GRM8: variants seen among roughly 807,000 people sequenced by gnomAD.
GRM8 encodes glutamate metabotropic receptor 8.
Under a neutral mutation model 87.2 loss-of-function variants are expected in GRM8, and 47 were observed. That is an observed-to-expected ratio of 0.54 (90% CI 0.43 to 0.69). The LOEUF is 0.69. GRM8 is among the 30% of genes least tolerant of loss of function. The pLI is 0.00. For synonymous variants in GRM8, 396 were observed against 404.5 expected, an observed-to-expected ratio of 0.98 and a Z score of 0.25; for missense variants, 1,019 against 1,139.2, an observed-to-expected ratio of 0.89 and a Z score of 1.52.
intron 3 of GRM8, among the ~76,000 whole-genome samples, chr7:127,030,531 T>C (rs1041889874): frequency 6.6e-6 from 1 of 152,154 alleles, no homozygotes; most frequent in Non-Finnish European, 1.5e-5. Flanking sequence ...TACTCTCTGT[T>C]TATCTCAACT....
intron 3 of GRM8, among the ~76,000 whole-genome samples, chr7:127,092,710 G>C (rs1370211805): frequency 6.6e-6 from 1 of 151,996 alleles, no homozygotes; most frequent in Non-Finnish European, 1.5e-5. Context: ...CTGTCTCAGG[G>C]GGAAAAGAAA....
At chr7:126,545,389 TCA>T (rs554742564) in intron 8 of GRM8, among the ~76,000 whole-genome samples, 82 of 152,342 alleles carry the variant, frequency 5.4e-4, no homozygotes, top group African/African-American at 1.8e-3. Context: ...AATTTGGATA[TCA>T]CAGAGTGACC....
chr7:126,952,541 A>G (rs952021918), intron 3 of GRM8, among the ~76,000 whole-genome samples: 1 of 152,070 alleles, frequency 6.6e-6, no homozygotes, highest in Admixed American at 6.6e-5. Flanking sequence ...AGTAGGAGAA[A>G]AGATACTAAC....
chr7:126,633,439 C>A (rs1373093216), intron 7 of GRM8, among the ~76,000 whole-genome samples: 2 of 152,080 alleles, frequency 1.3e-5, no homozygotes, highest in African/African-American at 4.8e-5. Context: ...GCGCTAGCAT[C>A]AATGCTCCTG....
intron 7 of GRM8, among the ~76,000 whole-genome samples, chr7:126,701,247 T>C (rs1205362746): frequency 1.3e-5 from 2 of 152,126 alleles, no homozygotes; most frequent in Admixed American, 1.3e-4. Context: ...CTGCCTTGTA[T>C]TGCAAACACA....
chr7:126,728,502 C>T (rs1813253657), intron 7 of GRM8, among the ~76,000 whole-genome samples: 1 of 152,038 alleles, frequency 6.6e-6, no homozygotes, highest in South Asian at 2.1e-4. Flanking sequence ...TCTTCTCAAT[C>T]TGTGAAAGAC....
At chr7:126,881,238 A>G (rs868555221) in intron 6 of GRM8, among the ~76,000 whole-genome samples, 18 of 152,206 alleles carry the variant, frequency 1.2e-4, no homozygotes, top group Non-Finnish European at 1.8e-4. Context: ...AGGGCACCCA[A>G]AGGATAGCAA....
At position 126,578,530 on chromosome 7, in the gene GRM8, G is replaced by A. The variant is rs144876360; in HGVS notation, c.1494+30832C>T. ...GGGCAGAGGCAGCCACAAAGCTCCC[G>A]AACAGCTGTTCCTTTCTCTTCTTCC... On this transcript the variant is annotated intron_variant, in intron 8 of 10. Coordinates refer to ENST00000339582, the MANE Select transcript of GRM8 (RefSeq NM_000845.3). 7.0e-4 allele frequency among the ~76,000 whole-genome samples: 106 copies of A among 152,202 alleles called. 2 individuals carry two copies. In the East Asian group the frequency reaches 0.014, roughly 20 times the overall value.
At chr7:127,029,941 AAC>A (rs1817194272) in intron 3 of GRM8, among the ~76,000 whole-genome samples, 1 of 152,082 alleles carries the variant, frequency 6.6e-6, no homozygotes, top group South Asian at 2.1e-4. Flanking sequence ...CCATACAACA[AAC>A]ACACAACCTA....
At chr7:127,054,240 G>A (rs1332608775) in intron 3 of GRM8, among the ~76,000 whole-genome samples, 4 of 151,900 alleles carry the variant, frequency 2.6e-5, no homozygotes, top group East Asian at 3.9e-4. Context: ...GATGTGCCTC[G>A]CTGCTGATTA....
intron 3 of GRM8, among the ~76,000 whole-genome samples, chr7:127,034,995 C>T (rs181967987): frequency 1.3e-3 from 197 of 152,140 alleles, no homozygotes; most frequent in Non-Finnish European, 1.5e-3. Context: ...TGGTCATAAA[C>T]GAAAGCAGCT....
chr7:126,879,309 T>A (rs1435145257), intron 6 of GRM8, among the ~76,000 whole-genome samples: 1 of 152,150 alleles, frequency 6.6e-6, no homozygotes, highest in Non-Finnish European at 1.5e-5. Flanking sequence ...ATCTTTATCA[T>A]ATTGTTTTTG....
chr7:127,072,069 C>T (rs1462272482), intron 3 of GRM8, among the ~76,000 whole-genome samples: 4 of 152,070 alleles, frequency 2.6e-5, no homozygotes, highest in African/African-American at 4.8e-5. Context: ...CCCACCGAGA[C>T]ATGGTGAGGT....
chr7:126,594,226 C>T (rs1796950096), intron 8 of GRM8, among the ~76,000 whole-genome samples: 1 of 152,044 alleles, frequency 6.6e-6, no homozygotes, highest in Non-Finnish European at 1.5e-5. Context: ...ATCTGGCCAT[C>T]TCCTACTCGA....
Position 126,811,994 on chromosome 7 carries a change from G to A in GRM8, c.1157-41929C>T, listed in dbSNP as rs913745531. On this transcript the variant is annotated intron_variant, in intron 6 of 10. Transcript: ENST00000339582. ...TTTTGAAGGGTGGAGGGGTGAGAGG[G>A]GTGAAGATGAAAAGTTACTTAATAG... Among the ~76,000 whole-genome samples the A allele has an allele frequency of 5.9e-5, 9 of 151,758 alleles. No homozygotes were observed. The East Asian group carries it at 1.7e-3, about 29-fold the overall frequency.
intron 8 of GRM8, among the ~76,000 whole-genome samples, chr7:126,538,890 C>G (rs930979869): frequency 3.9e-5 from 6 of 151,918 alleles, no homozygotes; most frequent in Admixed American, 1.3e-4. Flanking sequence ...AATCTGATAA[C>G]AGAATATAAA....
intron 3 of GRM8, among the ~76,000 whole-genome samples, chr7:127,030,987 A>G (rs1817306226): frequency 6.6e-6 from 1 of 152,130 alleles, no homozygotes; most frequent in African/African-American, 2.4e-5. Flanking sequence ...GCTGGACTAT[A>G]ACTTCCTAAG....
At chr7:126,607,186 A>C (rs1380711508) in intron 8 of GRM8, among the ~76,000 whole-genome samples, 1 of 152,204 alleles carries the variant, frequency 6.6e-6, no homozygotes, top group East Asian at 1.9e-4. Flanking sequence ...TGTTTCAATA[A>C]ATGTCAATAT....
chr7:127,246,692 G>A (rs962638989), intron 1 of GRM8, among the ~76,000 whole-genome samples: 12 of 152,266 alleles, frequency 7.9e-5, no homozygotes, highest in African/African-American at 1.4e-4. Context: ...GCTGGACCCC[G>A]AGCCTGTATC....
Sources: gnomAD v4.1 joint callset for allele counts (sites outside exome capture counted in the v4.1 genomes callset) on GRCh38, gnomAD v4.1.1 for gene constraint, MANE v1.5 for transcripts, NCBI Gene and HGNC (gene_info 2026-07-23, HGNC 2026-07-21) for gene names.